Variants in COL5A2 observed in about 807,000 individuals in gnomAD.
COL5A2 encodes the protein collagen alpha-2(V) chain.
In COL5A2, 23 loss-of-function variants were observed where a neutral mutation model predicts 208.2. The observed-to-expected ratio is 0.11, with a 90% confidence interval of 0.08 to 0.16. The LOEUF is 0.16. Ranked by LOEUF, COL5A2 falls within the 10% of genes least tolerant of loss-of-function variation. The pLI is 1.00. For synonymous variants in COL5A2, 625 were observed against 628.5 expected, an observed-to-expected ratio of 0.99 and a Z score of 0.08; for missense variants, 1,590 against 1,956.4, an observed-to-expected ratio of 0.81 and a Z score of 3.53.
chr2:189,308,310 C>T, the COL5A2 span, among the ~76,000 whole-genome samples: 1 of 151,606 alleles, frequency 6.6e-6, no homozygotes, highest in Non-Finnish European at 1.5e-5. Context: ...CTCCCTTTGG[C>T]ACTCAGGCAC....
intron 51 of COL5A2, among the ~76,000 whole-genome samples, chr2:189,037,886 T>C (rs1025664738): frequency 1.3e-4 from 20 of 152,180 alleles, no homozygotes; most frequent in African/African-American, 4.3e-4. Flanking sequence ...TTTTGAACAA[T>C]ACTTAAGCAA....
chr2:189,258,072 C>A, the COL5A2 span, among the ~76,000 whole-genome samples: 1 of 152,074 alleles, frequency 6.6e-6, no homozygotes, highest in Non-Finnish European at 1.5e-5. Flanking sequence ...CGATATCGTG[C>A]CACTGCACTC....
the COL5A2 span, among the ~76,000 whole-genome samples, chr2:189,348,857 AC>A: frequency 6.6e-6 from 1 of 152,178 alleles, no homozygotes; most frequent in African/African-American, 2.4e-5. Context: ...ACAATTTATT[AC>A]TTTTTCTTTA....
chr2:189,397,734 A>G, the COL5A2 span, among the ~76,000 whole-genome samples: 1 of 151,966 alleles, frequency 6.6e-6, no homozygotes. Context: ...AGATTTATCA[A>G]ACTTATTACT....
intron 35 of COL5A2, among the ~76,000 whole-genome samples, chr2:189,056,512 A>G (rs1685904599): frequency 6.6e-6 from 1 of 152,164 alleles, no homozygotes; most frequent in East Asian, 1.9e-4. Context: ...CAAACTGTTT[A>G]TTAATGATAA....
the COL5A2 span, among the ~76,000 whole-genome samples, chr2:189,253,901 G>A: frequency 1.3e-5 from 2 of 152,214 alleles, no homozygotes; most frequent in Non-Finnish European, 2.9e-5. Context: ...TTGGTGCTTT[G>A]CACCTAATTA....
intron 1 of COL5A2, among the ~76,000 whole-genome samples, chr2:189,158,571 G>T (rs1559130016): frequency 6.6e-6 from 1 of 151,998 alleles, no homozygotes; most frequent in African/African-American, 2.4e-5. Flanking sequence ...TTTTACTTTG[G>T]TTCTTAACTG....
intron 1 of COL5A2, among the ~76,000 whole-genome samples, chr2:189,124,027 AAATAGAGCTCCTGTGAAG>A (rs1420786485): frequency 6.6e-6 from 1 of 152,208 alleles, no homozygotes; most frequent in Non-Finnish European, 1.5e-5. Flanking sequence ...GAAAAGTGAC[AAATAGAGCTCCTGTGAAG>A]AATGAAGAGC....
the COL5A2 span, among the ~76,000 whole-genome samples, chr2:189,310,044 A>G: frequency 6.6e-6 from 1 of 152,262 alleles, no homozygotes; most frequent in African/African-American, 2.4e-5. Context: ...TACAAGGCAG[A>G]ATATACATAA....
At chr2:189,421,368 C>G in the COL5A2 span, among the ~76,000 whole-genome samples, 35 of 152,092 alleles carry the variant, frequency 2.3e-4, no homozygotes, top group Non-Finnish European at 4.7e-4. Context: ...AAATTACCTT[C>G]TCAAGTGCTA....
chr2:189,332,949 A>T, the COL5A2 span, among the ~76,000 whole-genome samples: 1 of 152,198 alleles, frequency 6.6e-6, no homozygotes, highest in Non-Finnish European at 1.5e-5. Context: ...AAATTAAGCA[A>T]CACTTCTCAA....
the COL5A2 span, among the ~76,000 whole-genome samples, chr2:189,347,820 G>T: frequency 6.6e-6 from 1 of 152,160 alleles, no homozygotes; most frequent in Non-Finnish European, 1.5e-5. Context: ...GTTTGAAAAT[G>T]TAACTAAAAC....
At chr2:189,093,758 T>C (rs1344651826) in intron 6 of COL5A2, among the ~76,000 whole-genome samples, 2 of 152,176 alleles carry the variant, frequency 1.3e-5, no homozygotes, top group East Asian at 3.8e-4. Flanking sequence ...TACTTCACAC[T>C]TCATTATACA....
At chr2:189,158,753 T>G (rs1688303400) in intron 1 of COL5A2, among the ~76,000 whole-genome samples, 1 of 152,118 alleles carries the variant, frequency 6.6e-6, no homozygotes, top group Non-Finnish European at 1.5e-5. Flanking sequence ...CTCTCTGAAA[T>G]CTTTCACTCA....
At chr2:189,101,738 T>C (rs1407699937) in intron 3 of COL5A2, among the ~76,000 whole-genome samples, 2 of 152,002 alleles carry the variant, frequency 1.3e-5, no homozygotes, top group East Asian at 3.9e-4. Flanking sequence ...CTGATTCTAA[T>C]GTTGAAGCAG....
chr2:189,337,826 A>C, the COL5A2 span, among the ~76,000 whole-genome samples: 1 of 152,032 alleles, frequency 6.6e-6, no homozygotes, highest in African/African-American at 2.4e-5. Context: ...CTAGCAAAAA[A>C]AAAAAAAAAA....
upstream of COL5A2, among the ~76,000 whole-genome samples, chr2:189,225,498 C>G (rs1330501941): frequency 6.6e-6 from 1 of 152,034 alleles, no homozygotes; most frequent in Non-Finnish European, 1.5e-5. Context: ...TCAGGGAAAT[C>G]TGTATTCAAA....
chr2:189,384,191 T>C, the COL5A2 span, among the ~76,000 whole-genome samples: 1 of 152,180 alleles, frequency 6.6e-6, no homozygotes, highest in Non-Finnish European at 1.5e-5. Flanking sequence ...ATATCTCGGC[T>C]ACTGTGAATA....
At chr2:189,330,005 T>A in the COL5A2 span, among the ~76,000 whole-genome samples, 110 of 152,038 alleles carry the variant, frequency 7.2e-4, no homozygotes, top group African/African-American at 2.5e-3. Context: ...TTAATAGGAA[T>A]AAGGAAAAAC....
Sources: gnomAD v4.1 joint callset for allele counts (sites outside exome capture counted in the v4.1 genomes callset) on GRCh38, gnomAD v4.1.1 for gene constraint, MANE v1.5 for transcripts, NCBI Gene and HGNC (gene_info 2026-07-23, HGNC 2026-07-21) for gene names.